The following ATXN7 variants were observed in gnomAD, a reference collection of about 807,000 sequenced individuals.
ATXN7 encodes ataxin-7.
A neutral mutation model predicts 70.5 loss-of-function variants in ATXN7; 12 were observed. The ratio of observed to expected loss-of-function variants is 0.17; its 90% CI spans 0.11 to 0.28. The LOEUF (loss-of-function observed/expected upper bound fraction) is 0.28, where lower values mean the gene tolerates loss of function less well. ATXN7 is among the 10% of genes least tolerant of loss of function. The probability of loss-of-function intolerance (pLI) is 1.00; values close to 1 mark genes in which losing one functional copy is unlikely to be tolerated. For missense variants in ATXN7, 1,256 were observed against 1,131.7 expected (o/e 1.11, Z -1.58); for synonymous variants, 498 against 448.7 (o/e 1.11, Z -1.39).
At chr3:63,969,479 G>A (rs945786350) in intron 5 of ATXN7, among the ~76,000 whole-genome samples, 4 of 152,122 alleles carry the variant, frequency 2.6e-5, no homozygotes, top group Non-Finnish European at 5.9e-5. Flanking sequence ...TATTTTAAAA[G>A]ACAAAACAGA....
upstream of ATXN7, chr3:63,863,667 CG>C: frequency 1.6e-6 from 2 of 1,228,696 alleles, no homozygotes; most frequent in South Asian, 3.7e-5. Context: ...GCGAAGAGGC[CG>C]GGGAGGCCGA....
At chr3:63,920,643 G>A (rs1419512702) in intron 4 of ATXN7, among the ~76,000 whole-genome samples, 1 of 151,828 alleles carries the variant, frequency 6.6e-6, no homozygotes, top group African/African-American at 2.4e-5. Context: ...ACAACAGTCG[G>A]TGTGTTGTAT....
intron 1 of ATXN7, among the ~76,000 whole-genome samples, chr3:63,868,974 G>A (rs568536608): frequency 9.9e-5 from 15 of 152,246 alleles, no homozygotes; most frequent in Admixed American, 6.5e-5. Flanking sequence ...GGGTCTGGCA[G>A]GACTGAATCA....
chr3:63,918,486 C>T (rs1217652376), intron 4 of ATXN7, among the ~76,000 whole-genome samples: 2 of 152,154 alleles, frequency 1.3e-5, no homozygotes, highest in South Asian at 2.1e-4. Flanking sequence ...TTTTAATGAT[C>T]CTCCTTGTAT....
chr3:63,872,999 A>G (rs371744419), intron 1 of ATXN7, among the ~76,000 whole-genome samples: 1 of 151,870 alleles, frequency 6.6e-6, no homozygotes, highest in East Asian at 1.9e-4. Flanking sequence ...AAGAACTTGC[A>G]TGGGGGAGGG....
intron 5 of ATXN7, among the ~76,000 whole-genome samples, chr3:63,976,943 A>G (rs2075398454): frequency 6.6e-6 from 1 of 152,232 alleles, no homozygotes; most frequent in African/African-American, 2.4e-5. Context: ...AGTTACCTTG[A>G]AAAGACCTGG....
intron 4 of ATXN7, among the ~76,000 whole-genome samples, chr3:63,949,264 T>A (rs2074915239): frequency 1.3e-5 from 2 of 152,012 alleles, no homozygotes; most frequent in African/African-American, 2.4e-5. Flanking sequence ...TCCTTTTTTT[T>A]TTTTTTTTCC....
At chr3:63,918,161 A>G (rs1367974584) in intron 4 of ATXN7, among the ~76,000 whole-genome samples, 3 of 152,066 alleles carry the variant, frequency 2.0e-5, no homozygotes, top group Non-Finnish European at 2.9e-5. Flanking sequence ...TAGCACCTGT[A>G]GGCAACTAGA....
Position 63,933,748 on chromosome 3 carries a change from A to G in ATXN7, c.395-18631A>G, listed in dbSNP as rs184295617. On this transcript the variant is annotated intron_variant, in intron 4 of 12. Coordinates refer to ENST00000674280, the MANE Select transcript of ATXN7 (RefSeq NM_001377405.1). ...CTTGTATCCCTCTCAATTAAGTGGTATTCTCTACTGGGTATTGAAATAAAC... is the reference window on the plus strand; with the variant it reads ...CTTGTATCCCTCTCAATTAAGTGGTGTTCTCTACTGGGTATTGAAATAAAC... Among the ~76,000 whole-genome samples, 137 of 152,306 alleles carry G rather than the reference A, an allele frequency of 9.0e-4. 1 individual carries two copies. Among genetic ancestry groups the G allele is most frequent in the African/African-American group, 3.2e-3 (134 of 41,572 alleles).
At chr3:63,979,317 A>G (rs2075445991) in intron 5 of ATXN7, among the ~76,000 whole-genome samples, 1 of 152,238 alleles carries the variant, frequency 6.6e-6, no homozygotes, top group South Asian at 2.1e-4. Flanking sequence ...AGATTATTAA[A>G]AAAGGGGGGG....
At chr3:63,886,548 G>A (rs1292859164) in intron 1 of ATXN7, among the ~76,000 whole-genome samples, 2 of 152,088 alleles carry the variant, frequency 1.3e-5, no homozygotes, top group South Asian at 2.1e-4. Flanking sequence ...TCACATGTTG[G>A]TATTGGTTCA....
rs963236942 is a variant in ATXN7, at chr3:64,002,726, G to C, written c.*3259G>C. 8 of 152,070 alleles carry C rather than the reference G, an allele frequency of 5.3e-5. No homozygotes were observed. Among genetic ancestry groups the C allele is most frequent in the Non-Finnish European group, 1.2e-4 (8 of 68,032 alleles). The allele number at this position is 152,070 out of a possible 1,614,324, so 9.4% of individuals were successfully genotyped here. A position where few individuals can be genotyped will look rare whatever the true frequency, so the allele number is the denominator to read the frequency against. On this transcript the variant is annotated 3_prime_UTR_variant, in exon 13 of 13. Coordinates refer to ENST00000674280, the MANE Select transcript of ATXN7 (RefSeq NM_001377405.1). ...GCGGAGTTGAAAACCACCAATGCTG[G>C]TAATTTTATAAGGTATTTTAAAATT...
intron 1 of ATXN7, among the ~76,000 whole-genome samples, chr3:63,892,109 C>T (rs1399477854): frequency 6.6e-6 from 1 of 152,058 alleles, no homozygotes; most frequent in African/African-American, 2.4e-5. Context: ...AAGCACTCAG[C>T]GAAAATTGTT....
chr3:63,991,219 A>G (rs1044039039), intron 11 of ATXN7, among the ~76,000 whole-genome samples: 1 of 152,130 alleles, frequency 6.6e-6, no homozygotes, highest in African/African-American at 2.4e-5. Flanking sequence ...AGAGCCAACT[A>G]TACACCAAAC....
chr3:63,990,990 G>A (rs1168856742), intron 11 of ATXN7, 131 bp downstream of exon 11: 2 of 1,365,416 alleles, frequency 1.5e-6, no homozygotes, highest in African/African-American at 1.4e-5. Flanking sequence ...TGAGAAGAAG[G>A]TGCCTTGTCA....
At chr3:63,998,395 CT>C (rs897606411) in intron 12 of ATXN7, 9 of 985,034 alleles carry the variant, frequency 9.1e-6, no homozygotes, top group African/African-American at 1.8e-5. Flanking sequence ...TACACACACA[CT>C]TTTTTTTCTC....
chr3:63,903,386 C>CTA (rs1703719647), intron 2 of ATXN7, among the ~76,000 whole-genome samples: 1 of 49,588 alleles, frequency 2.0e-5, no homozygotes, highest in Non-Finnish European at 3.9e-5. Flanking sequence ...GACTCCGTCT[C>CTA]AAAAAAAAAA....
intron 1 of ATXN7, among the ~76,000 whole-genome samples, chr3:63,874,170 A>G (rs1461920485): frequency 6.6e-6 from 1 of 152,258 alleles, no homozygotes; most frequent in Non-Finnish European, 1.5e-5. Context: ...AAAAGCATAT[A>G]GACTCTAACC....
chr3:63,908,780 C>T (rs534776382), intron 2 of ATXN7, among the ~76,000 whole-genome samples: 1 of 152,296 alleles, frequency 6.6e-6, no homozygotes, highest in East Asian at 1.9e-4. Context: ...TGGAACAAAA[C>T]ATTTTATGAG....
Sources: allele counts gnomAD v4.1 joint callset (sites outside exome capture counted in the v4.1 genomes callset), GRCh38; gene constraint gnomAD v4.1.1; transcripts MANE v1.5; gene names NCBI Gene and HGNC (gene_info 2026-07-23, HGNC 2026-07-21).